Variants in USP12 observed in about 807,000 individuals in gnomAD.
USP12 encodes ubiquitin specific peptidase 12.
In USP12, 19 loss-of-function variants were observed where a neutral mutation model predicts 45.5. The observed-to-expected ratio is 0.42, with a 90% CI of 0.29 to 0.61. USP12 has a LOEUF of 0.61. Ranked by LOEUF, USP12 falls within the 20% of genes least tolerant of loss-of-function variation. The probability of loss-of-function intolerance (pLI) is 0.22; values close to 1 mark genes in which losing one functional copy is unlikely to be tolerated. For missense variants in USP12, 242 were observed against 447.7 expected, an observed-to-expected ratio of 0.54 and a Z score of 4.15; for synonymous variants, 149 against 148.8, an observed-to-expected ratio of 1.00 and a Z score of -0.01.
chr13:27,146,407 A>G (rs1877310050), intron 1 of USP12, among the ~76,000 whole-genome samples: 2 of 152,196 alleles, frequency 1.3e-5, no homozygotes, highest in African/African-American at 4.8e-5. Flanking sequence ...GTCTCAAAAA[A>G]AAGCACCTAT....
At chr13:27,120,266 A>G (rs1565995590) in intron 1 of USP12, among the ~76,000 whole-genome samples, 2 of 152,240 alleles carry the variant, frequency 1.3e-5, no homozygotes, top group Non-Finnish European at 2.9e-5. Context: ...CCATTCCCAC[A>G]TTTGAGAAGT....
intron 1 of USP12, among the ~76,000 whole-genome samples, chr13:27,160,749 C>G (rs1878066655): frequency 6.6e-6 from 1 of 151,940 alleles, no homozygotes; most frequent in Non-Finnish European, 1.5e-5. Flanking sequence ...CTATTCCTCA[C>G]CTGTTCTTAA....
At chr13:27,148,795 T>TAAACACACACACACAC in intron 1 of USP12, among the ~76,000 whole-genome samples, 1 of 141,800 alleles carries the variant, frequency 7.1e-6, no homozygotes, top group Middle Eastern at 3.5e-3. Context: ...ATCATCTTAA[T>TAAACACACACACACAC]ACACACACAC....
At chr13:27,098,466 A>G (rs1251986923) in intron 3 of USP12, among the ~76,000 whole-genome samples, 3 of 152,234 alleles carry the variant, frequency 2.0e-5, no homozygotes, top group African/African-American at 7.2e-5. Context: ...ATAATACATG[A>G]CAAGGGACTG....
intron 6 of USP12, among the ~76,000 whole-genome samples, chr13:27,086,392 G>C (rs1485131439): frequency 6.6e-6 from 1 of 150,728 alleles, no homozygotes; most frequent in Non-Finnish European, 1.5e-5. Flanking sequence ...TTTCGAACTT[G>C]TACATAAAGT....
rs555903037 is a variant in USP12 at position 27,092,987 on chromosome 13, G to A, written c.573+2614C>T. 9.9e-5 allele frequency among the ~76,000 whole-genome samples: 15 copies of A among 152,110 alleles called. No individual in the cohort carries two copies. In the East Asian group the frequency reaches 2.5e-3, roughly 25 times the overall value. ...CAAGGTGGGTGGATCACTTGAGGTC[G>A]GGAGTTCAAGACCAGCCTGACCAAC... On this transcript the variant is annotated intron_variant, in intron 4 of 8. Transcript: ENST00000282344.
At chr13:27,102,740 C>T (rs904622038) in intron 3 of USP12, among the ~76,000 whole-genome samples, 1 of 152,096 alleles carries the variant, frequency 6.6e-6, no homozygotes. Flanking sequence ...TTCTTTTTTT[C>T]GTGACAGTGA....
chr13:27,084,169 T>TACACACACACAC lies in USP12; in HGVS notation c.734+5702_734+5713dup, dbSNP rs374948699. Among the ~76,000 whole-genome samples the TACACACACACAC allele has an allele frequency of 6.2e-4, 89 of 142,510 alleles. 1 individual carries two copies. The highest frequency in any genetic ancestry group is 9.7e-4 in the Admixed American group (14 of 14,386). The allele number at this position is 142,510 out of a possible 152,430, so 93.5% of individuals were successfully genotyped here. A position where few individuals can be genotyped will look rare whatever the true frequency, so the allele number is the denominator to read the frequency against. ...TGTCACTCATAAATCCATGTTTGCA[T>TACACACACACAC]ACACACACACACACACACACACACA... On this transcript the variant is annotated intron_variant, in intron 6 of 8. Coordinates refer to ENST00000282344, the MANE Select transcript of USP12 (RefSeq NM_182488.4).
At chr13:27,163,592 G>A (rs1354975420) in intron 1 of USP12, among the ~76,000 whole-genome samples, 2 of 151,522 alleles carry the variant, frequency 1.3e-5, no homozygotes, top group African/African-American at 4.9e-5. Flanking sequence ...AAGTAGAGCT[G>A]GTTTTCAATC....
chr13:27,158,206 C>A (rs1211420099), intron 1 of USP12, among the ~76,000 whole-genome samples: 1 of 152,040 alleles, frequency 6.6e-6, no homozygotes, highest in East Asian at 1.9e-4. Context: ...CGGACACAGG[C>A]ATAGAAGGAA....
At chr13:27,170,459 A>C (rs557061857) in intron 1 of USP12, 127 of 396,772 alleles carry the variant, frequency 3.2e-4, no homozygotes, top group African/African-American at 2.4e-3. Flanking sequence ...CTCTAATAAC[A>C]ACCACTAGGC....
chr13:27,116,128 C>G (rs759330334), intron 2 of USP12, among the ~76,000 whole-genome samples: 1 of 151,830 alleles, frequency 6.6e-6, no homozygotes, highest in Admixed American at 6.6e-5. Context: ...CTGGCTAACA[C>G]GGTGAAACCC....
At chr13:27,071,662 C>A (rs1442190748) in intron 7 of USP12, among the ~76,000 whole-genome samples, 1 of 152,050 alleles carries the variant, frequency 6.6e-6, no homozygotes, top group Non-Finnish European at 1.5e-5. Context: ...CATAAAATGT[C>A]TTTAAAAGCA....
At chr13:27,112,479 G>T (rs1875503764) in intron 2 of USP12, among the ~76,000 whole-genome samples, 3 of 151,392 alleles carry the variant, frequency 2.0e-5, no homozygotes, top group Non-Finnish European at 4.4e-5. Flanking sequence ...AAGAGACAGG[G>T]TCTCACTCTG....
chr13:27,098,604 T>C (rs777176886), intron 3 of USP12, among the ~76,000 whole-genome samples: 1 of 152,250 alleles, frequency 6.6e-6, no homozygotes, highest in Non-Finnish European at 1.5e-5. Flanking sequence ...CTGTTGCTGC[T>C]GGGAGTATAA....
chr13:27,073,863 T>C (rs952036696), intron 7 of USP12, among the ~76,000 whole-genome samples: 9 of 152,166 alleles, frequency 5.9e-5, no homozygotes, highest in African/African-American at 7.2e-5. Context: ...CTGCCCACAA[T>C]TGGCAGAAAT....
Position 27,105,747 on chromosome 13 carries a change from T to C in USP12, c.327A>G (p.Arg109=), listed in dbSNP as rs777334260. The C allele has an allele frequency of 2.5e-6, 4 of 1,613,282 alleles. No homozygotes were observed. The East Asian group carries it at 6.7e-5, about 27-fold the overall frequency. The change falls in exon 3 of 9, where the codon AGA becomes AGG. Residue 109 remains arginine (R), a synonymous_variant. Transcript: ENST00000282344. ...TAGAATTACCATTTTCTTTCCGTAA[T>C]CTTGTGATGAACTTCTTAGGGGGTA... is the stretch of plus-strand genomic sequence containing the variant. ...GVIPPKKFIT[R]LRKENELFDN...
At chr13:27,093,276 C>T (rs1874405639) in intron 4 of USP12, among the ~76,000 whole-genome samples, 1 of 150,364 alleles carries the variant, frequency 6.7e-6, no homozygotes, top group Non-Finnish European at 1.5e-5. Flanking sequence ...CAAAGACCCA[C>T]CTGATTATGA....
At chr13:27,156,778 C>T (rs1204248198) in intron 1 of USP12, among the ~76,000 whole-genome samples, 2 of 152,088 alleles carry the variant, frequency 1.3e-5, no homozygotes, top group Admixed American at 6.5e-5. Context: ...GCCGAAATCA[C>T]ACCACTGCAC....
Sources: allele counts gnomAD v4.1 joint callset (sites outside exome capture counted in the v4.1 genomes callset), GRCh38; gene constraint gnomAD v4.1.1; transcripts MANE v1.5; gene names NCBI Gene and HGNC (gene_info 2026-07-23, HGNC 2026-07-21).